SLC24A2: variants seen among roughly 807,000 people sequenced by gnomAD.
The protein encoded by SLC24A2 is sodium/potassium/calcium exchanger 2.
In SLC24A2, 36 loss-of-function variants were observed where a neutral mutation model predicts 62.0. The ratio of observed to expected loss-of-function variants is 0.58; its 90% CI spans 0.44 to 0.77. The LOEUF is 0.77. SLC24A2 is among the 30% of genes least tolerant of loss of function. The pLI, the probability that SLC24A2 is intolerant of heterozygous loss-of-function variation, is 0.00. For synonymous variants in SLC24A2, 358 were observed against 294.0 expected (o/e 1.22, Z -2.23); for missense variants, 846 against 817.9 (o/e 1.03, Z -0.42).
the SLC24A2 span, among the ~76,000 whole-genome samples, chr9:20,105,757 A>C: frequency 9.2e-5 from 14 of 152,168 alleles, no homozygotes; most frequent in African/African-American, 3.4e-4. Context: ...GAAAGATCCA[A>C]AATTGACACC....
At chr9:19,831,737 G>C in the SLC24A2 span, among the ~76,000 whole-genome samples, 4 of 152,232 alleles carry the variant, frequency 2.6e-5, no homozygotes, top group South Asian at 4.1e-4. Flanking sequence ...AAAATCTCAA[G>C]CCTTCACCAT....
At chr9:20,075,387 T>C in the SLC24A2 span, among the ~76,000 whole-genome samples, 4 of 152,170 alleles carry the variant, frequency 2.6e-5, no homozygotes, top group African/African-American at 9.7e-5. Context: ...CTAAGCTAGT[T>C]AGCAGCAAAG....
At chr9:20,104,048 G>C in the SLC24A2 span, among the ~76,000 whole-genome samples, 1 of 152,178 alleles carries the variant, frequency 6.6e-6, no homozygotes, top group East Asian at 1.9e-4. Flanking sequence ...ACTACATGAA[G>C]AATGCAGAAG....
At chr9:19,570,373 A>G (rs1243375122) in intron 7 of SLC24A2, among the ~76,000 whole-genome samples, 1 of 152,178 alleles carries the variant, frequency 6.6e-6, no homozygotes, top group East Asian at 1.9e-4. Context: ...CCCAGCTTGA[A>G]TGTTGCCTCT....
At chr9:19,602,165 C>T (rs1457752092) in intron 4 of SLC24A2, among the ~76,000 whole-genome samples, 1 of 152,186 alleles carries the variant, frequency 6.6e-6, no homozygotes, top group Non-Finnish European at 1.5e-5. Context: ...CCTTTCACAA[C>T]CTTAGTTTCC....
the SLC24A2 span, chr9:19,926,517 A>C: frequency 5.9e-5 from 9 of 152,172 alleles, no homozygotes; most frequent in African/African-American, 1.9e-4. Flanking sequence ...TTCACGGCTC[A>C]TCACTGGCTT....
intron 7 of SLC24A2, among the ~76,000 whole-genome samples, chr9:19,560,447 G>C (rs1216148470): frequency 6.6e-6 from 1 of 152,152 alleles, no homozygotes; most frequent in Non-Finnish European, 1.5e-5. Flanking sequence ...ATACCAGAAG[G>C]CTTGTGCTCT....
chr9:19,591,943 G>A (rs1030482594), intron 5 of SLC24A2, among the ~76,000 whole-genome samples: 1 of 152,208 alleles, frequency 6.6e-6, no homozygotes, highest in African/African-American at 2.4e-5. Context: ...GAAGGTCACA[G>A]ATAACAAGAA....
the SLC24A2 span, among the ~76,000 whole-genome samples, chr9:20,025,887 A>C: frequency 6.6e-6 from 1 of 152,156 alleles, no homozygotes; most frequent in Admixed American, 6.5e-5. Context: ...TAGAAGATGC[A>C]TCACTGCTAT....
the SLC24A2 span, among the ~76,000 whole-genome samples, chr9:20,172,141 G>T: frequency 2.0e-5 from 3 of 151,964 alleles, no homozygotes; most frequent in African/African-American, 7.2e-5. Flanking sequence ...AATCAAAACA[G>T]AAATTAAAAA....
At chr9:19,516,492 C>G in intron 10 of SLC24A2, 90 bp from the exon 11 acceptor site, 1 of 1,463,114 alleles carries the variant, frequency 6.8e-7, no homozygotes, top group South Asian at 1.2e-5. Flanking sequence ...CTATTATTAC[C>G]TTCTCAGGAA....
At chr9:20,130,877 G>A in the SLC24A2 span, among the ~76,000 whole-genome samples, 203 of 152,114 alleles carry the variant, frequency 1.3e-3, no homozygotes, top group African/African-American at 4.8e-3. Context: ...CCCTTTCATT[G>A]CCCACTCCTG....
At chr9:19,524,363 T>A (rs1167471322) in intron 9 of SLC24A2, among the ~76,000 whole-genome samples, 1 of 150,204 alleles carries the variant, frequency 6.7e-6, no homozygotes, top group African/African-American at 2.5e-5. Flanking sequence ...CCCATTAAAT[T>A]TATTAAAGTG....
intron 2 of SLC24A2, among the ~76,000 whole-genome samples, chr9:19,636,315 T>TTTTCTTTTCTTTTCTTTCTTTCTTTC: frequency 2.8e-3 from 113 of 40,030 alleles, no homozygotes; most frequent in Non-Finnish European, 3.7e-3. Context: ...TTTTCTTTTC[T>TTTTCTTTTCTTTTCTTTCTTTCTTTC]TTTCTTTCTT....
In SLC24A2 at chr9:19,511,247, T is replaced by C. The variant is rs1045786888; in HGVS notation, c.*4906A>G. The C allele has an allele frequency of 6.6e-6, 1 of 152,122 alleles. No individual in the cohort carries two copies. The highest frequency in any genetic ancestry group is 1.9e-4 in the East Asian group (1 of 5,196). The allele number at this position is 152,122 out of a possible 1,614,324, so 9.4% of individuals were successfully genotyped here. Reference sequence around the variant, plus strand: ...TATTGCTTTTCTTGTTTGCTATATATTTAAAAAATATGAAGCTCTGAGATT... The same window carrying C: ...TATTGCTTTTCTTGTTTGCTATATACTTAAAAAATATGAAGCTCTGAGATT... On this transcript the variant is annotated 3_prime_UTR_variant, in exon 11 of 11. Coordinates refer to ENST00000341998, the MANE Select transcript of SLC24A2 (RefSeq NM_020344.4).
At chr9:19,951,830 A>T in the SLC24A2 span, among the ~76,000 whole-genome samples, 1 of 152,116 alleles carries the variant, frequency 6.6e-6, no homozygotes, top group East Asian at 1.9e-4. Flanking sequence ...TTACCATTTG[A>T]TATAAATTTT....
chr9:19,909,477 A>G, the SLC24A2 span, among the ~76,000 whole-genome samples: 5 of 152,190 alleles, frequency 3.3e-5, no homozygotes, highest in Non-Finnish European at 7.3e-5. Context: ...AACTTAAAGT[A>G]TAAAAAAAAA....
At chr9:20,086,533 C>T in the SLC24A2 span, among the ~76,000 whole-genome samples, 2 of 152,164 alleles carry the variant, frequency 1.3e-5, no homozygotes, top group Non-Finnish European at 2.9e-5. Context: ...CTGACAGTTC[C>T]CTTGTCAAGA....
the SLC24A2 span, among the ~76,000 whole-genome samples, chr9:20,184,321 CG>C: frequency 6.6e-6 from 1 of 152,080 alleles, no homozygotes; most frequent in Admixed American, 6.5e-5. Context: ...GAGGCTGAGG[CG>C]GGCAGACCAC....
Sources: allele counts gnomAD v4.1 joint callset (sites outside exome capture counted in the v4.1 genomes callset), GRCh38; gene constraint gnomAD v4.1.1; transcripts MANE v1.5; gene names NCBI Gene and HGNC (gene_info 2026-07-23, HGNC 2026-07-21).